The following CEP290 variants were observed in gnomAD, a reference collection of about 807,000 sequenced individuals.
CEP290 encodes centrosomal protein of 290 kDa.
A neutral mutation model predicts 344.9 loss-of-function variants in CEP290; 317 were observed. The observed-to-expected ratio is 0.92, with a 90% confidence interval of 0.84 to 1.01. The LOEUF (loss-of-function observed/expected upper bound fraction) is 1.01. Among genes scored for constraint, CEP290 ranks in the 50% least tolerant of loss-of-function variants. The pLI, the probability that CEP290 is intolerant of heterozygous loss-of-function variation, is 0.00. For missense variants in CEP290, 2,754 were observed against 2,761.4 expected, an observed-to-expected ratio of 1.00 and a Z score of 0.06; for synonymous variants, 932 against 895.8, an observed-to-expected ratio of 1.04 and a Z score of -0.72.
intron 46 of CEP290, among the ~76,000 whole-genome samples, chr12:88,061,761 G>A (rs1412919730): frequency 6.6e-6 from 1 of 151,202 alleles, no homozygotes; most frequent in Non-Finnish European, 1.5e-5. Flanking sequence ...GCAAGATACT[G>A]TTCTGAATAT....
In CEP290 at chr12:88,049,426, ATTATCT is replaced by A. The variant is rs753383814; in HGVS notation, c.7210-18_7210-13del. 1 of 1,280,192 alleles carries A rather than the reference ATTATCT, an allele frequency of 7.8e-7. No individual in the cohort carries two copies. The highest frequency in any genetic ancestry group is 1.1e-6 in the Non-Finnish European group (1 of 917,796). 79.3% of individuals were successfully genotyped at this position (1,280,192 alleles called of 1,614,324 possible). ...TTCTTTATTTCCTCCTAATGGAAAC[ATTATCT>A]TTAAAAGTTGCATATAGGAAATATA... On this transcript the variant is annotated splice_polypyrimidine_tract_variant and intron_variant, in intron 53 of 53. Transcript: ENST00000552810.
At chr12:88,052,579 A>G (rs1457581058) in intron 52 of CEP290, among the ~76,000 whole-genome samples, 8 of 152,188 alleles carry the variant, frequency 5.3e-5, no homozygotes, top group African/African-American at 1.7e-4. Context: ...AGTTAGCCCA[A>G]TTAGTGAATA....
chr12:88,120,802 A>C (rs1160868867), intron 14 of CEP290, among the ~76,000 whole-genome samples, 195 bp downstream of exon 14: 1 of 152,232 alleles, frequency 6.6e-6, no homozygotes, highest in Non-Finnish European at 1.5e-5. Context: ...ACTGTGATCA[A>C]AAGTTTGAAA....
Position 88,130,547 on chromosome 12 carries a change from T to C in CEP290, c.514A>G (p.Lys172Glu). ...TTTCACCACACTTAAAGCCTCACCT[T>C]TTTCTTTAGACGTTTGTTCTACAGA... ...LRRENKRLKK[K>E]NEQLCQDIID... The change falls in exon 8 of 54, where the codon AAG (lysine) becomes GAG (glutamate). Residue 172 changes from lysine (K) to glutamate (E), a missense_variant and splice_region_variant. Lys to Glu is a moderately conservative substitution (Grantham distance 56). Transcript: ENST00000552810. 6.3e-7 allele frequency: 1 copy of C among 1,594,118 alleles called. No homozygotes were observed. Among genetic ancestry groups the C allele is most frequent in the South Asian group, 1.2e-5 (1 of 86,594 alleles).
At chr12:88,126,469 CA>C in intron 11 of CEP290, 31 bp from the exon 12 acceptor site, 2 of 1,404,286 alleles carry the variant, frequency 1.4e-6, no homozygotes, top group South Asian at 1.5e-5. Flanking sequence ...ATCTGTTATG[CA>C]AAAGGAAAGT....
intron 13 of CEP290, among the ~76,000 whole-genome samples, chr12:88,122,398 C>A (rs2137945595): frequency 6.6e-6 from 1 of 152,212 alleles, no homozygotes; most frequent in East Asian, 1.9e-4. Context: ...AAGGCAACAC[C>A]CTGGAATGCT....
intron 49 of CEP290, among the ~76,000 whole-genome samples, chr12:88,057,203 G>C (rs1473345471): frequency 6.6e-6 from 1 of 152,078 alleles, no homozygotes; most frequent in African/African-American, 2.4e-5. Flanking sequence ...GAAAGAACTT[G>C]AGCCCACAGA....
rs2038922297 is a variant in CEP290, at chr12:88,114,553, A to G, written c.1919T>C (p.Leu640Ser). ...TTCAAGTTGCTTATTTTCTTCAACT[A>G]ATTCTTTTACTGTAATTACACAGTT... is the stretch of plus-strand genomic sequence containing the variant. ...IAKFQNKLKE[L>S]VEENKQLEEG... is the part of the protein sequence containing the mutation. The change falls in exon 20 of 54, where the codon TTA (leucine) becomes TCA (serine). Residue 640 changes from leucine (L) to serine (S), a missense_variant. Coordinates refer to ENST00000552810, the MANE Select transcript of CEP290 (RefSeq NM_025114.4). The G allele has an allele frequency of 6.5e-7, 1 of 1,539,360 alleles. No homozygotes were observed. Among genetic ancestry groups the G allele is most frequent in the Non-Finnish European group, 8.8e-7 (1 of 1,141,784 alleles).
chr12:88,060,054 A>C (rs2034349253), intron 47 of CEP290, 34 bp from the exon 48 acceptor site: 3 of 1,445,882 alleles, frequency 2.1e-6, no homozygotes, highest in Non-Finnish European at 2.8e-6. Context: ...AAAAGTATAC[A>C]TTATCAAAAC....
At chr12:88,059,806 A>T in intron 48 of CEP290, 92 bp downstream of exon 48, 1 of 1,020,300 alleles carries the variant, frequency 9.8e-7, no homozygotes. Flanking sequence ...CTACCTTTAC[A>T]GACACTCTCA....
Position 88,061,003 on chromosome 12 carries a change from GAATATGTT to G in CEP290, c.6358-17_6358-10del, listed in dbSNP as rs2034440499. 1 of 1,530,010 alleles carries G rather than the reference GAATATGTT, an allele frequency of 6.5e-7. No individual in the cohort carries two copies. Among genetic ancestry groups the G allele is most frequent in the Non-Finnish European group, 8.8e-7 (1 of 1,138,528 alleles). 94.8% of individuals were successfully genotyped at this position (1,530,010 alleles called of 1,614,324 possible). A position where few individuals can be genotyped will look rare whatever the true frequency, so the allele number is the denominator to read the frequency against. ...TTTCCACTTCTACCAGACTACGAAAGAATATGTTAAATCTTTAATCAAATATTTTAGTA... is the reference window on the plus strand; with the variant it reads ...TTTCCACTTCTACCAGACTACGAAAGAAATCTTTAATCAAATATTTTAGTA... On this transcript the variant is annotated splice_polypyrimidine_tract_variant and intron_variant, in intron 46 of 53. Transcript: ENST00000552810.
intron 26 of CEP290, among the ~76,000 whole-genome samples, chr12:88,097,754 G>A (rs2037547885): frequency 6.6e-6 from 1 of 151,592 alleles, no homozygotes; most frequent in African/African-American, 2.4e-5. Flanking sequence ...ATTCATTTTG[G>A]CCAAAACTCT....
chr12:88,059,974 A>G lies in CEP290; in HGVS notation c.6569T>C (p.Met2190Thr), dbSNP rs1034662310. 6.3e-7 allele frequency: 1 copy of G among 1,584,124 alleles called. No homozygotes were observed. The highest frequency in any genetic ancestry group is 8.6e-7 in the Non-Finnish European group (1 of 1,165,570). The change falls in exon 48 of 54, where the codon ATG becomes ACG. Residue 2190 changes from methionine (M) to threonine (T), a missense_variant. Coordinates refer to ENST00000552810, the MANE Select transcript of CEP290 (RefSeq NM_025114.4). ...GCCTTTGGTCTTGGATTCATAGTGCATGCTCAACTGATGCCCAAGATGAGC... is the reference window on the plus strand; with the variant it reads ...GCCTTTGGTCTTGGATTCATAGTGCGTGCTCAACTGATGCCCAAGATGAGC... ...LKAHLGHQLS[M>T]HYESKTKGTE...
chr12:88,099,980 T>A (rs1372417302), intron 26 of CEP290, among the ~76,000 whole-genome samples: 3 of 151,580 alleles, frequency 2.0e-5, no homozygotes, highest in South Asian at 4.2e-4. Context: ...ACTGGTCTCC[T>A]TTAAAAAAAA....
chr12:88,107,619 A>G (rs548865109), intron 23 of CEP290, among the ~76,000 whole-genome samples: 1 of 152,090 alleles, frequency 6.6e-6, no homozygotes, highest in African/African-American at 2.4e-5. Context: ...TGCAAAAAAA[A>G]AAAAAAATAA....
chr12:88,054,396 A>G lies in CEP290; in HGVS notation c.6978T>C (p.His2326=), dbSNP rs775641877. Residue 2326 remains histidine (H), a synonymous_variant, in exon 51 of 54, where the codon CAT becomes CAC. Coordinates refer to ENST00000552810, the MANE Select transcript of CEP290 (RefSeq NM_025114.4). ...DLEQQIKILK[H]VPEGAETEQG... Reference sequence around the variant, plus strand: ...GCTCTGTCTCAGCACCTTCAGGAACATGTTTAAGAATCTTAATCTTTGAGG... The same window carrying G: ...GCTCTGTCTCAGCACCTTCAGGAACGTGTTTAAGAATCTTAATCTTTGAGG... The G allele has an allele frequency of 7.4e-6, 12 of 1,611,188 alleles. No homozygotes were observed. Among genetic ancestry groups the G allele is most frequent in the Admixed American group, 3.3e-5 (2 of 59,758 alleles).
At position 88,096,908 on chromosome 12, in the gene CEP290, C is replaced by A; in HGVS notation, c.3083G>T (p.Trp1028Leu). The part of the protein sequence containing the change: ...KEKLHTIEQA[W>L]EQETKLGNES... ...CTTACCTAATTTAGTTTCCTGTTCC[C>A]AGGCTTGTTCAATAGTGTGAAGTTT... is the stretch of plus-strand genomic sequence containing the variant. The change falls in exon 27 of 54, where the codon TGG (tryptophan) becomes TTG (leucine). Residue 1028 changes from tryptophan (W) to leucine (L), a missense_variant. Coordinates refer to ENST00000552810, the MANE Select transcript of CEP290 (RefSeq NM_025114.4). 6.4e-7 allele frequency: 1 copy of A among 1,565,784 alleles called. No homozygotes were observed. Among genetic ancestry groups the A allele is most frequent in the South Asian group, 1.2e-5 (1 of 84,588 alleles).
Position 88,060,892 on chromosome 12 carries a change from C to CT in CEP290, c.6459dup (p.Ala2154SerfsTer7). On this transcript the variant is annotated frameshift_variant, in exon 47 of 54. Coordinates refer to ENST00000552810, the MANE Select transcript of CEP290 (RefSeq NM_025114.4). LOFTEE classifies it high-confidence loss of function. Reference sequence around the variant, plus strand: ...TTTTCACTAGTCAATATTCCTGATGCTTTTTTCAACTGTTCATTTTCTCTC... The same window carrying CT: ...TTTTCACTAGTCAATATTCCTGATGCTTTTTTTCAACTGTTCATTTTCTCTC... The CT allele has an allele frequency of 6.5e-7, 1 of 1,544,548 alleles. No individual in the cohort carries two copies. The highest frequency in any genetic ancestry group is 8.7e-7 in the Non-Finnish European group (1 of 1,145,272).
intron 29 of CEP290, among the ~76,000 whole-genome samples, chr12:88,091,184 T>C (rs903314407): frequency 6.6e-6 from 1 of 152,314 alleles, no homozygotes; most frequent in East Asian, 1.9e-4. Context: ...AAAGAACTTC[T>C]GTTCCCATAC....
Sources: gnomAD v4.1 joint callset for allele counts (sites outside exome capture counted in the v4.1 genomes callset) on GRCh38, gnomAD v4.1.1 for gene constraint, MANE v1.5 for transcripts, NCBI Gene and HGNC (gene_info 2026-07-23, HGNC 2026-07-21) for gene names.